ADNP: variants seen among roughly 807,000 people sequenced by gnomAD.
ADNP encodes the protein activity dependent neuroprotector homeobox.
In ADNP, 4 loss-of-function variants were observed where a neutral mutation model predicts 84.9. The observed-to-expected ratio is 0.05, with a 90% CI of 0.02 to 0.11. The LOEUF is 0.11. Among genes scored for constraint, ADNP ranks in the 10% least tolerant of loss-of-function variants. The pLI is 1.00. For missense variants in ADNP, 1,132 were observed against 1,326.0 expected (o/e 0.85, Z 2.27); for synonymous variants, 554 against 468.1 (o/e 1.18, Z -2.37).
chr20:50,905,924 T>C (rs551948023), intron 2 of ADNP, among the ~76,000 whole-genome samples: 2 of 152,282 alleles, frequency 1.3e-5, no homozygotes, highest in Admixed American at 6.5e-5. Flanking sequence ...TTAAAACAGT[T>C]AGTACACACT....
chr20:50,927,371 T>C (rs759921389), intron 2 of ADNP, among the ~76,000 whole-genome samples: 1 of 152,160 alleles, frequency 6.6e-6, no homozygotes, highest in Admixed American at 6.5e-5. Flanking sequence ...TTTCAATATA[T>C]AGCTCCTAAT....
intron 2 of ADNP, among the ~76,000 whole-genome samples, chr20:50,910,294 T>C (rs572016514): frequency 6.6e-6 from 1 of 152,334 alleles, no homozygotes; most frequent in South Asian, 2.1e-4. Flanking sequence ...CAATGACCTA[T>C]TAATAACAGA....
At position 50,893,697 on chromosome 20, in the gene ADNP, C is replaced by G; in HGVS notation, c.1017G>C (p.Gln339His). The change falls in exon 6 of 6, where the codon CAG (glutamine) becomes CAC (histidine). Residue 339 changes from glutamine (Q) to histidine (H), a missense_variant. Coordinates refer to ENST00000621696, the MANE Select transcript of ADNP (RefSeq NM_001282531.3). This position sits in a 1 kb window ranked among gnomAD's most constrained non-coding sequence, Gnocchi z 4.4. ...QNNYGVKSVG[Q>H]GYSVGQSMRL... ...TCATTGACTGACCAACACTGTAACC[C>G]TGGCCTACAGATTTGACTCCATAGT... 2 of 1,614,168 alleles carry G rather than the reference C, an allele frequency of 1.2e-6. No homozygotes were observed. The highest frequency in any genetic ancestry group is 1.7e-6 in the Non-Finnish European group (2 of 1,180,036).
intron 2 of ADNP, among the ~76,000 whole-genome samples, chr20:50,916,458 T>C (rs1326445288): frequency 6.6e-6 from 1 of 152,216 alleles, no homozygotes; most frequent in East Asian, 1.9e-4. Context: ...CACGCCCCTC[T>C]TCTCCCAGTT....
intron 2 of ADNP, among the ~76,000 whole-genome samples, chr20:50,925,800 C>A (rs1377263602): frequency 6.6e-6 from 1 of 152,190 alleles, no homozygotes; most frequent in African/African-American, 2.4e-5. Context: ...ATCACAAGCT[C>A]TTACAAAACT....
intron 2 of ADNP, chr20:50,914,076 C>T (rs899687924): frequency 1.4e-6 from 1 of 739,934 alleles, no homozygotes; most frequent in African/African-American, 1.7e-5. Flanking sequence ...CTTCCAAAAA[C>T]AGGCATGAGA....
At chr20:50,929,809 T>C (rs1342475291) in intron 1 of ADNP, among the ~76,000 whole-genome samples, 4 of 152,114 alleles carry the variant, frequency 2.6e-5, no homozygotes, top group Non-Finnish European at 4.4e-5. Context: ...ATCATTAACA[T>C]GACAAACACA....
At chr20:50,918,498 GA>G (rs200496188) in intron 2 of ADNP, among the ~76,000 whole-genome samples, 93 of 150,346 alleles carry the variant, frequency 6.2e-4, no homozygotes, top group Non-Finnish European at 1.1e-3. Context: ...AGTACTTAAA[GA>G]AAAAAAAATG....
intron 2 of ADNP, among the ~76,000 whole-genome samples, chr20:50,917,328 T>G (rs1983585589): frequency 6.6e-6 from 1 of 152,240 alleles, no homozygotes; most frequent in Admixed American, 6.5e-5. Flanking sequence ...AGTCAGATGA[T>G]TCCATCACAT....
chr20:50,896,988 C>G (rs999390153), intron 5 of ADNP, among the ~76,000 whole-genome samples: 3 of 152,220 alleles, frequency 2.0e-5, no homozygotes, highest in African/African-American at 7.2e-5. Context: ...GTCACCCAAG[C>G]TGGAGTGCAA....
At chr20:50,915,675 T>G (rs1483111959) in intron 2 of ADNP, among the ~76,000 whole-genome samples, 1 of 152,220 alleles carries the variant, frequency 6.6e-6, no homozygotes, top group African/African-American at 2.4e-5. Context: ...AGGGGCAGAA[T>G]GTTCTTCTGG....
At position 50,892,540 on chromosome 20, in the gene ADNP, G is replaced by T. The variant is rs750163423; in HGVS notation, c.2174C>A (p.Pro725His). Residue 725 changes from proline (P) to histidine (H), a missense_variant, in exon 6 of 6, where the codon CCC (proline) becomes CAC (histidine). By Grantham distance (77) the Pro-to-His change is moderately conservative (BLOSUM62 -2). This residue lies in a region of ADNP where 101 missense variants were observed against 78.5 expected (regional missense o/e 1.29). Coordinates refer to ENST00000621696, the MANE Select transcript of ADNP (RefSeq NM_001282531.3). The part of the protein sequence containing the change: ...VKRTYEQMEF[P>H]LLKKRKLDDD... ...ATCTAACTTTCGTTTTTTCAGTAAG[G>T]GAAATTCCATTTGCTCGTAAGTGCG... The T allele has an allele frequency of 3.1e-6, 5 of 1,614,148 alleles. No individual in the cohort carries two copies. In the South Asian group the frequency reaches 5.5e-5, roughly 18 times the overall value.
At chr20:50,895,265 C>A (rs1193578847) in intron 5 of ADNP, among the ~76,000 whole-genome samples, 1 of 152,210 alleles carries the variant, frequency 6.6e-6, no homozygotes, top group African/African-American at 2.4e-5. Context: ...ACCTACTACA[C>A]GCCTAGGCTA....
chr20:50,890,161 A>AAAAC lies in ADNP; in HGVS notation c.*1243_*1244insGTTT, dbSNP rs71192505. 1.3e-4 allele frequency: 23 copies of AAAAC among 181,170 alleles called. No homozygotes were observed. Among genetic ancestry groups the AAAAC allele is most frequent in the African/African-American group, 3.5e-4 (12 of 34,266 alleles). 11.2% of individuals were successfully genotyped at this position (181,170 alleles called of 1,614,324 possible). ...AAAAAAAAAAAAAAAAAAAAAAAAA[A>AAAAC]GAAAAACAGATTTTGTACCAGGTGC... On this transcript the variant is annotated 3_prime_UTR_variant, in exon 6 of 6. Transcript: ENST00000621696.
intron 2 of ADNP, among the ~76,000 whole-genome samples, chr20:50,926,416 TAATGTTGTAAAATA>T (rs1230564990): frequency 6.6e-6 from 1 of 152,262 alleles, no homozygotes; most frequent in African/African-American, 2.4e-5. Flanking sequence ...ATAATGCTTC[TAATGTTGTAAAATA>T]AAAACTTCCT....
At chr20:50,902,623 G>A (rs1982100366) in intron 4 of ADNP, among the ~76,000 whole-genome samples, 1 of 152,164 alleles carries the variant, frequency 6.6e-6, no homozygotes, top group Non-Finnish European at 1.5e-5. Flanking sequence ...GCAGTATGAT[G>A]TTAAATTTAT....
intron 2 of ADNP, among the ~76,000 whole-genome samples, 163 bp downstream of exon 2, chr20:50,928,488 T>C (rs1984436199): frequency 6.6e-6 from 1 of 152,252 alleles, no homozygotes; most frequent in South Asian, 2.1e-4. Flanking sequence ...CTTATGTTAA[T>C]AAGTGTTCAG....
intron 2 of ADNP, among the ~76,000 whole-genome samples, chr20:50,910,707 TG>T (rs1711638468): frequency 6.6e-6 from 1 of 152,132 alleles, no homozygotes; most frequent in African/African-American, 2.4e-5. Flanking sequence ...CAGGCTGGAG[TG>T]CAGTGGTATG....
intron 5 of ADNP, among the ~76,000 whole-genome samples, chr20:50,896,857 T>C (rs1600941938): frequency 6.6e-6 from 1 of 152,306 alleles, no homozygotes; most frequent in East Asian, 1.9e-4. Context: ...TCATCATAGA[T>C]TTGATTGTAA....
Sources: gnomAD v4.1 joint callset for allele counts (sites outside exome capture counted in the v4.1 genomes callset) on GRCh38, gnomAD v4.1.1 for gene constraint, gnomAD v4.1.1 regional missense constraint, Gnocchi (gnomAD v3.1) non-coding constraint, MANE v1.5 for transcripts, NCBI Gene and HGNC (gene_info 2026-07-23, HGNC 2026-07-21) for gene names.